The following CRYL1 variants were observed in gnomAD, a reference collection of about 807,000 sequenced individuals.
CRYL1 encodes crystallin lambda 1, also known as lambda-crystallin homolog.
A neutral mutation model predicts 36.6 loss-of-function variants in CRYL1; 29 were observed. The observed-to-expected ratio is 0.79, with a 90% CI of 0.59 to 1.08. The LOEUF (loss-of-function observed/expected upper bound fraction) is 1.08, where lower values mean the gene tolerates loss of function less well. CRYL1 is among the 50% of genes least tolerant of loss of function. The pLI, the probability that CRYL1 is intolerant of heterozygous loss-of-function variation, is 0.00. For missense variants in CRYL1, 411 were observed against 407.9 expected (o/e 1.01, Z -0.06); for synonymous variants, 152 against 151.5 (o/e 1.00, Z -0.02).
At position 20,493,917 on chromosome 13, in the gene CRYL1, C is replaced by T. The variant is rs182526584; in HGVS notation, c.150-4421G>A. On this transcript the variant is annotated intron_variant, in intron 2 of 7. Transcript: ENST00000298248. ...AATGTCTGTTTCTGCGACAAAGATG[C>T]AGCCGCAGAGATGGTGTCCTGTATC... Among the ~76,000 whole-genome samples the T allele has an allele frequency of 1.4e-3, 217 of 152,324 alleles. 1 individual carries two copies. The highest frequency in any genetic ancestry group is 4.9e-3 in the African/African-American group (205 of 41,574).
chr13:20,404,776 A>C, intron 6 of CRYL1, 35 bp from the exon 7 acceptor site: 2 of 1,391,112 alleles, frequency 1.4e-6, no homozygotes, highest in Non-Finnish European at 2.0e-6. Context: ...CCACAATCTC[A>C]GAAAAAAACA....
At chr13:20,524,463 C>T (rs9315666) in intron 1 of CRYL1, among the ~76,000 whole-genome samples, 37,101 of 151,828 alleles carry the variant, frequency 0.24, 4,967 homozygotes, top group East Asian at 0.38. Context: ...CCGCAACCTC[C>T]GCCTCCCGGG....
chr13:20,416,040 A>C (rs1235144638), intron 5 of CRYL1, among the ~76,000 whole-genome samples: 2 of 152,210 alleles, frequency 1.3e-5, no homozygotes, highest in Admixed American at 1.3e-4. Context: ...GCTGGGGCCC[A>C]GAGCATCCTT....
chr13:20,408,281 C>T (rs2031429915), intron 6 of CRYL1, among the ~76,000 whole-genome samples: 1 of 152,158 alleles, frequency 6.6e-6, no homozygotes, highest in Non-Finnish European at 1.5e-5. Context: ...ATAATTGCTT[C>T]CCATCAATCA....
intron 3 of CRYL1, among the ~76,000 whole-genome samples, chr13:20,465,859 G>A (rs1431551547): frequency 6.6e-6 from 1 of 151,882 alleles, no homozygotes; most frequent in Admixed American, 6.6e-5. Flanking sequence ...GGGTCATGGG[G>A]GTGGATCCCA....
chr13:20,518,313 A>G (rs2034038259), intron 1 of CRYL1, among the ~76,000 whole-genome samples: 1 of 152,292 alleles, frequency 6.6e-6, no homozygotes, highest in South Asian at 2.1e-4. Context: ...GAGAAATGTT[A>G]AAAGCGCCAC....
chr13:20,454,002 T>C (rs1343649531), intron 3 of CRYL1, among the ~76,000 whole-genome samples: 1 of 152,188 alleles, frequency 6.6e-6, no homozygotes, highest in African/African-American at 2.4e-5. Flanking sequence ...AGTAATTAAA[T>C]TTGTAGTTCA....
At chr13:20,468,822 G>A (rs2032995505) in intron 3 of CRYL1, among the ~76,000 whole-genome samples, 1 of 152,112 alleles carries the variant, frequency 6.6e-6, no homozygotes, top group South Asian at 2.1e-4. Flanking sequence ...GTCCAGGCTG[G>A]TGTCGAACTC....
At chr13:20,515,374 G>C (rs1221705665) in intron 1 of CRYL1, among the ~76,000 whole-genome samples, 3 of 152,096 alleles carry the variant, frequency 2.0e-5, no homozygotes, top group Non-Finnish European at 2.9e-5. Flanking sequence ...AACATGCTTT[G>C]ACAACCAACT....
chr13:20,436,406 C>CA (rs2032218597), intron 4 of CRYL1, among the ~76,000 whole-genome samples: 2 of 152,222 alleles, frequency 1.3e-5, no homozygotes, highest in Admixed American at 6.5e-5. Context: ...ACTGAGACTG[C>CA]AGTGCAACAT....
chr13:20,483,823 G>A (rs983595265), intron 3 of CRYL1, among the ~76,000 whole-genome samples: 2 of 151,372 alleles, frequency 1.3e-5, no homozygotes, highest in Admixed American at 6.6e-5. Flanking sequence ...TCGCAGGCAT[G>A]AGCCACCACA....
intron 5 of CRYL1, chr13:20,427,195 C>T (rs1424347151): frequency 3.0e-6 from 3 of 985,366 alleles, no homozygotes; most frequent in Non-Finnish European, 3.6e-6. Context: ...ATCACGTGAC[C>T]CAGGGAGCAC....
intron 6 of CRYL1, among the ~76,000 whole-genome samples, chr13:20,407,997 A>G (rs1054542896): frequency 6.6e-6 from 1 of 152,220 alleles, no homozygotes; most frequent in Non-Finnish European, 1.5e-5. Context: ...ATTGCCACCC[A>G]TACATGGGAA....
intron 4 of CRYL1, among the ~76,000 whole-genome samples, chr13:20,434,207 G>A (rs2032147449): frequency 6.6e-6 from 1 of 152,190 alleles, no homozygotes; most frequent in Admixed American, 6.5e-5. Context: ...TTTCCATTGA[G>A]AGGTGAGGCC....
intron 5 of CRYL1, chr13:20,430,289 C>A (rs2032029925): frequency 1.0e-6 from 1 of 985,292 alleles, no homozygotes; most frequent in African/African-American, 1.7e-5. Flanking sequence ...CCTGTTCTGT[C>A]ACAAACTGTA....
At chr13:20,461,080 T>G (rs1481881518) in intron 3 of CRYL1, among the ~76,000 whole-genome samples, 1 of 152,232 alleles carries the variant, frequency 6.6e-6, no homozygotes, top group Non-Finnish European at 1.5e-5. Context: ...TTTCTCTAAA[T>G]GCTACTGAGG....
At chr13:20,466,153 T>G (rs2032928390) in intron 3 of CRYL1, among the ~76,000 whole-genome samples, 1 of 152,156 alleles carries the variant, frequency 6.6e-6, no homozygotes, top group Admixed American at 6.5e-5. Flanking sequence ...TTGCCCAGCC[T>G]CAGGTATTCC....
chr13:20,468,699 G>A (rs931258713), intron 3 of CRYL1, among the ~76,000 whole-genome samples: 2 of 151,928 alleles, frequency 1.3e-5, no homozygotes, highest in Admixed American at 6.6e-5. Context: ...TCTGCCTCCC[G>A]GGTTCGAGTG....
At position 20,413,349 on chromosome 13, in the gene CRYL1, C is replaced by T; in HGVS notation, c.672G>A (p.Met224Ile). ...CATACCGCATGCCCAACCCTTCTGA[C>T]ATGACAAGGTCCAGGTCACTAGGAG... ...IVSPSDLDLV[M>I]SEGLGMRYAF... The change falls in exon 6 of 8, where the codon ATG becomes ATA. Residue 224 changes from methionine to isoleucine, a missense_variant. By Grantham distance (10) the Met-to-Ile change is conservative. Transcript: ENST00000298248. The T allele has an allele frequency of 6.2e-7, 1 of 1,613,846 alleles. No homozygotes were observed. Among genetic ancestry groups the T allele is most frequent in the Non-Finnish European group, 8.5e-7 (1 of 1,179,878 alleles).
Sources: allele counts gnomAD v4.1 joint callset (sites outside exome capture counted in the v4.1 genomes callset), GRCh38; gene constraint gnomAD v4.1.1; transcripts MANE v1.5; gene names NCBI Gene and HGNC (gene_info 2026-07-23, HGNC 2026-07-21).